Variants in PRELID2 observed in about 807,000 individuals in gnomAD.
PRELID2 encodes the protein PRELI domain-containing protein 2.
PRELID2 carries 25 observed loss-of-function variants against 28.4 expected under a neutral mutation model. The observed-to-expected ratio is 0.88, with a 90% CI of 0.64 to 1.23. The LOEUF (loss-of-function observed/expected upper bound fraction) is 1.23, where lower values mean the gene tolerates loss of function less well. Among genes scored for constraint, PRELID2 ranks in the 50% most tolerant of loss-of-function variants. PRELID2 has a pLI of 0.00. For missense variants in PRELID2, 201 were observed against 214.4 expected, an observed-to-expected ratio of 0.94 and a Z score of 0.39; for synonymous variants, 76 against 71.6, an observed-to-expected ratio of 1.06 and a Z score of -0.31.
At chr5:145,405,792 G>A in the PRELID2 span, among the ~76,000 whole-genome samples, 16 of 138,402 alleles carry the variant, frequency 1.2e-4, no homozygotes, top group Middle Eastern at 7.8e-3. Context: ...TGCAAGCTCC[G>A]CCTCCCAGGT....
At chr5:145,466,415 T>C in the PRELID2 span, among the ~76,000 whole-genome samples, 1 of 152,146 alleles carries the variant, frequency 6.6e-6, no homozygotes, top group South Asian at 2.1e-4. Context: ...GAAATAGTGA[T>C]CAAACTAACA....
chr5:145,811,761 C>T (rs1330852209), intron 4 of PRELID2, among the ~76,000 whole-genome samples: 1 of 152,150 alleles, frequency 6.6e-6, no homozygotes, highest in African/African-American at 2.4e-5. Flanking sequence ...CTGCCTTAGG[C>T]CTTGCTGGCT....
At chr5:145,833,734 A>G (rs912355867) in intron 1 of PRELID2, among the ~76,000 whole-genome samples, 2 of 152,156 alleles carry the variant, frequency 1.3e-5, no homozygotes, top group South Asian at 2.1e-4. Context: ...TTAACAAATG[A>G]CCTTCATCTT....
chr5:145,305,507 A>G, the PRELID2 span, among the ~76,000 whole-genome samples: 1 of 152,158 alleles, frequency 6.6e-6, no homozygotes, highest in African/African-American at 2.4e-5. Flanking sequence ...GCACATTATG[A>G]TGTGCCATAA....
the PRELID2 span, among the ~76,000 whole-genome samples, chr5:145,319,665 C>T: frequency 1.4e-4 from 21 of 149,010 alleles, 1 homozygote; most frequent in East Asian, 2.8e-3. Flanking sequence ...GGTGACAGAG[C>T]GAGACTCCAT....
chr5:145,390,557 C>T, the PRELID2 span, among the ~76,000 whole-genome samples: 1 of 152,188 alleles, frequency 6.6e-6, no homozygotes, highest in African/African-American at 2.4e-5. Flanking sequence ...CACTGGGATC[C>T]TCCCACCACA....
At position 145,532,318 on chromosome 5, in the gene PRELID2, CTTTT is replaced by C. The variant is rs1752660686; in HGVS notation, n.71-59007_71-59004del. On this transcript the variant is annotated intron_variant and non_coding_transcript_variant, in intron 1 of 2. Coordinates refer to the PRELID2 transcript ENST00000510259. ...GATCATCGATGTAAGACTCTTTTTT[CTTTT>C]TTTCTCCCCAGTTTTATTGGGTACA... Among the ~76,000 whole-genome samples, 5 of 151,854 alleles carry C rather than the reference CTTTT, an allele frequency of 3.3e-5. No individual in the cohort carries two copies. In the South Asian group the frequency reaches 1.0e-3, roughly 32 times the overall value.
intron 1 of PRELID2, among the ~76,000 whole-genome samples, chr5:145,740,321 A>AT (rs1561566210): frequency 1.0e-4 from 9 of 86,410 alleles, no homozygotes; most frequent in East Asian, 3.4e-4. Context: ...TATATATATA[A>AT]ATCCTAAATG....
the PRELID2 span, among the ~76,000 whole-genome samples, chr5:145,375,473 C>A: frequency 1.3e-5 from 2 of 152,098 alleles, no homozygotes; most frequent in Non-Finnish European, 2.9e-5. Flanking sequence ...GGGAATAGGA[C>A]CCGTTTAACG....
the PRELID2 span, among the ~76,000 whole-genome samples, chr5:145,373,069 T>G: frequency 1.5e-5 from 1 of 67,262 alleles, no homozygotes. Context: ...TAATATATGA[T>G]ATATATTACA....
intron 1 of PRELID2, among the ~76,000 whole-genome samples, chr5:145,741,252 T>G (rs1204341134): frequency 8.9e-6 from 1 of 112,394 alleles, no homozygotes; most frequent in Non-Finnish European, 1.6e-5. Flanking sequence ...ATATATAATA[T>G]ATAAATAATA....
intron 1 of PRELID2, among the ~76,000 whole-genome samples, chr5:145,730,508 A>G (rs576683868): frequency 6.6e-6 from 1 of 152,234 alleles, no homozygotes; most frequent in Non-Finnish European, 1.5e-5. Flanking sequence ...ATAAATTTGA[A>G]TCACCCATGC....
the PRELID2 span, among the ~76,000 whole-genome samples, chr5:145,249,937 G>GTCTCTCTCTCTCTC: frequency 2.2e-5 from 3 of 138,608 alleles, no homozygotes; most frequent in African/African-American, 7.9e-5. Flanking sequence ...CTCTCTCTCT[G>GTCTCTCTCTCTCTC]TCTCTCTCTC....
At chr5:145,549,561 G>A (rs982122324) in intron 1 of PRELID2, among the ~76,000 whole-genome samples, 7 of 152,112 alleles carry the variant, frequency 4.6e-5, no homozygotes, top group Non-Finnish European at 7.3e-5. Context: ...ATTACAGGCC[G>A]AGGCGGACGG....
At chr5:145,398,840 A>G in the PRELID2 span, among the ~76,000 whole-genome samples, 70 of 152,224 alleles carry the variant, frequency 4.6e-4, no homozygotes, top group Non-Finnish European at 8.7e-4. Flanking sequence ...GCTTTTTAGA[A>G]GGAAGGAAGG....
chr5:145,794,735 G>T (rs1004727836), intron 5 of PRELID2, among the ~76,000 whole-genome samples: 1 of 152,058 alleles, frequency 6.6e-6, no homozygotes, highest in African/African-American at 2.4e-5. Context: ...TTAATAAAAT[G>T]GGAATAAAAA....
At chr5:145,432,904 G>A in the PRELID2 span, among the ~76,000 whole-genome samples, 4 of 151,982 alleles carry the variant, frequency 2.6e-5, no homozygotes, top group African/African-American at 9.7e-5. Flanking sequence ...CAATGTAGGG[G>A]ATTTATAATC....
intron 1 of PRELID2, among the ~76,000 whole-genome samples, chr5:145,582,884 C>A (rs966889866): frequency 1.3e-5 from 2 of 152,124 alleles, no homozygotes; most frequent in African/African-American, 4.8e-5. Flanking sequence ...AGAGCTGGTA[C>A]CATTTCTACT....
chr5:145,304,704 A>G, the PRELID2 span, among the ~76,000 whole-genome samples: 1 of 152,132 alleles, frequency 6.6e-6, no homozygotes, highest in African/African-American at 2.4e-5. Flanking sequence ...AAATTATATC[A>G]ATGCTGAGAT....
Sources: allele counts gnomAD v4.1 joint callset (sites outside exome capture counted in the v4.1 genomes callset), GRCh38; gene constraint gnomAD v4.1.1; transcripts MANE v1.5; gene names NCBI Gene and HGNC (gene_info 2026-07-23, HGNC 2026-07-21).